The following NFATC1 variants were observed in gnomAD, a reference collection of about 807,000 sequenced individuals.
NFATC1 encodes the protein nuclear factor of activated T-cells, cytoplasmic 1.
A neutral mutation model predicts 76.0 loss-of-function variants in NFATC1; 22 were observed. The ratio of observed to expected loss-of-function variants is 0.29; its 90% CI spans 0.21 to 0.41. NFATC1 has a LOEUF of 0.41. Among genes scored for constraint, NFATC1 ranks in the 10% least tolerant of loss-of-function variants. The pLI, the probability that NFATC1 is intolerant of heterozygous loss-of-function variation, is 1.00. For missense variants in NFATC1, 1,357 were observed against 1,337.7 expected, an observed-to-expected ratio of 1.01 and a Z score of -0.23; for synonymous variants, 704 against 613.1, an observed-to-expected ratio of 1.15 and a Z score of -2.19.
chr18:79,404,847 G>A (rs1229817962), intron 1 of NFATC1, among the ~76,000 whole-genome samples: 1 of 152,230 alleles, frequency 6.6e-6, no homozygotes, highest in Non-Finnish European at 1.5e-5. Context: ...GCACGGCGGG[G>A]TCTGCAAGGT....
chr18:79,476,923 T>C (rs946961288), intron 8 of NFATC1, among the ~76,000 whole-genome samples: 3 of 152,178 alleles, frequency 2.0e-5, no homozygotes, highest in African/African-American at 7.2e-5. Context: ...CAGCAGAAAC[T>C]CCAGTGAAGA....
intron 9 of NFATC1, among the ~76,000 whole-genome samples, chr18:79,491,594 C>T (rs1166078668): frequency 6.6e-6 from 1 of 152,208 alleles, no homozygotes; most frequent in Non-Finnish European, 1.5e-5. Flanking sequence ...GTGCCTGTGG[C>T]AGGACGTGGG....
At chr18:79,396,375 C>T in intron 1 of NFATC1, 24 bp downstream of exon 1, 2 of 1,267,428 alleles carry the variant, frequency 1.6e-6, no homozygotes, top group Non-Finnish European at 2.0e-6. Flanking sequence ...GGCCTCCGCC[C>T]CCGGACCCCT....
At chr18:79,413,884 C>G (rs533002580) in intron 2 of NFATC1, among the ~76,000 whole-genome samples, 1 of 152,236 alleles carries the variant, frequency 6.6e-6, no homozygotes, top group East Asian at 1.9e-4. Context: ...GAATTCCGTG[C>G]CCACGTGACC....
intron 6 of NFATC1, among the ~76,000 whole-genome samples, chr18:79,457,640 C>T (rs1415198601): frequency 2.6e-5 from 4 of 152,294 alleles, no homozygotes; most frequent in East Asian, 1.9e-4. Context: ...CATAATTATG[C>T]GGCCACCACC....
Position 79,396,460 on chromosome 18 carries a change from C to T in NFATC1, c.127+109C>T, listed in dbSNP as rs553430026. ...GCACGGAGGGGTCCGGGCCAGAGAA[C>T]GAGGTCGGCCGGGTCTGTGCGCCCA... On this transcript the variant is annotated intron_variant, in intron 1 of 9. Coordinates refer to ENST00000427363, the MANE Select transcript of NFATC1 (RefSeq NM_001278669.2). 6.5e-6 allele frequency: 4 copies of T among 615,794 alleles called. No individual in the cohort carries two copies. In the East Asian group the frequency reaches 2.4e-4, roughly 37 times the overall value. 38.1% of individuals were successfully genotyped at this position (615,794 alleles called of 1,614,324 possible). A position where few individuals can be genotyped will look rare whatever the true frequency, so the allele number is the denominator to read the frequency against.
Position 79,456,695 on chromosome 18 carries a change from A to C in NFATC1, c.1904-4616A>C, listed in dbSNP as rs563993983. On this transcript the variant is annotated intron_variant, in intron 6 of 9. Transcript: ENST00000427363. ...GGAAGGTCTCGGCCTGGGGCAGAGG[A>C]GCGGGCCGAGGAGGAAGGTGGAGTC... Among the ~76,000 whole-genome samples the C allele has an allele frequency of 2.8e-4, 43 of 151,592 alleles. 1 individual carries two copies. The highest frequency in any genetic ancestry group is 6.8e-3 in the Middle Eastern group (2 of 294).
At chr18:79,513,085 C>T (rs574341683) in intron 9 of NFATC1, among the ~76,000 whole-genome samples, 44 of 152,334 alleles carry the variant, frequency 2.9e-4, no homozygotes, top group Admixed American at 2.7e-3. Flanking sequence ...CACTTTCGAA[C>T]GCTCGGCTCT....
intron 2 of NFATC1, among the ~76,000 whole-genome samples, chr18:79,417,230 T>G (rs1600644099): frequency 1.4e-5 from 1 of 71,564 alleles, no homozygotes; most frequent in Admixed American, 1.5e-4. Context: ...GGAGATGGGC[T>G]GTGGTGGGAG....
intron 2 of NFATC1, among the ~76,000 whole-genome samples, chr18:79,424,608 CGTCT>C (rs1350155247): frequency 3.9e-5 from 5 of 126,658 alleles, no homozygotes; most frequent in Admixed American, 8.0e-5. Flanking sequence ...TCTGTCTCTC[CGTCT>C]GTCTCTCTGT....
intron 3 of NFATC1, among the ~76,000 whole-genome samples, chr18:79,438,244 C>T (rs551031521): frequency 6.6e-6 from 1 of 152,362 alleles, no homozygotes; most frequent in African/African-American, 2.4e-5. Flanking sequence ...GCAGCCCCCT[C>T]GCCAGATGTG....
intron 8 of NFATC1, chr18:79,470,164 C>A: frequency 4.1e-6 from 1 of 246,248 alleles, no homozygotes; most frequent in Non-Finnish European, 6.5e-6. Flanking sequence ...TGGCTTCTGC[C>A]ATGTGGTCCG....
At chr18:79,471,425 C>T (rs1452975178) in intron 8 of NFATC1, among the ~76,000 whole-genome samples, 1 of 152,206 alleles carries the variant, frequency 6.6e-6, no homozygotes, top group Non-Finnish European at 1.5e-5. Context: ...AAGTTACAAA[C>T]TCAAAATTAC....
chr18:79,418,475 C>T (rs572147626), intron 2 of NFATC1, among the ~76,000 whole-genome samples: 3 of 152,336 alleles, frequency 2.0e-5, no homozygotes, highest in South Asian at 2.1e-4. Flanking sequence ...GGTGGGGGCA[C>T]GTGTCACGGG....
chr18:79,489,717 C>T (rs2089621132), intron 9 of NFATC1, among the ~76,000 whole-genome samples: 1 of 152,216 alleles, frequency 6.6e-6, no homozygotes, highest in African/African-American at 2.4e-5. Flanking sequence ...CCACAGTCAT[C>T]TCGTCCACGT....
At chr18:79,487,558 G>T (rs975069963) in intron 9 of NFATC1, among the ~76,000 whole-genome samples, 2 of 152,188 alleles carry the variant, frequency 1.3e-5, no homozygotes, top group African/African-American at 4.8e-5. Flanking sequence ...ACCCAACACC[G>T]CACACCTGGG....
At chr18:79,430,833 A>G (rs2086565460) in intron 2 of NFATC1, among the ~76,000 whole-genome samples, 1 of 152,192 alleles carries the variant, frequency 6.6e-6, no homozygotes, top group Non-Finnish European at 1.5e-5. Context: ...GGGGCCCTTC[A>G]TTGCCCAGCC....
chr18:79,400,943 C>T (rs1282212634), intron 1 of NFATC1, among the ~76,000 whole-genome samples: 1 of 34,264 alleles, frequency 2.9e-5, no homozygotes, highest in East Asian at 8.6e-4. Context: ...CCTTCCTCCC[C>T]ACAGTCACCC....
chr18:79,430,081 G>A (rs900092118), intron 2 of NFATC1, among the ~76,000 whole-genome samples: 6 of 152,210 alleles, frequency 3.9e-5, no homozygotes, highest in East Asian at 1.9e-4. Context: ...ACACCGAGTC[G>A]GTTCACACGA....
Sources: allele counts gnomAD v4.1 joint callset (sites outside exome capture counted in the v4.1 genomes callset), GRCh38; gene constraint gnomAD v4.1.1; transcripts MANE v1.5; gene names NCBI Gene and HGNC (gene_info 2026-07-23, HGNC 2026-07-21).